The following NFIA variants were observed in gnomAD, a reference collection of about 807,000 sequenced individuals.
NFIA encodes nuclear factor I A, also known as nuclear factor 1 A-type.
A neutral mutation model predicts 62.8 loss-of-function variants in NFIA; 8 were observed. The ratio of observed to expected loss-of-function variants is 0.13; its 90% CI spans 0.07 to 0.23. The LOEUF (loss-of-function observed/expected upper bound fraction) is 0.23. Ranked by LOEUF, NFIA falls within the 10% of genes least tolerant of loss-of-function variation. The probability of loss-of-function intolerance (pLI) is 1.00; values close to 1 mark genes in which losing one functional copy is unlikely to be tolerated. For missense variants in NFIA, 410 were observed against 642.1 expected, an observed-to-expected ratio of 0.64 and a Z score of 3.91; for synonymous variants, 235 against 238.1, an observed-to-expected ratio of 0.99 and a Z score of 0.12.
chr1:61,333,496 G>T (rs899033759), intron 4 of NFIA, among the ~76,000 whole-genome samples: 1 of 152,192 alleles, frequency 6.6e-6, no homozygotes, highest in African/African-American at 2.4e-5. Flanking sequence ...CATAGGCTAG[G>T]AGAGTCTTGA....
At chr1:61,307,583 T>C (rs1386247448) in intron 3 of NFIA, among the ~76,000 whole-genome samples, 6 of 152,208 alleles carry the variant, frequency 3.9e-5, no homozygotes, top group African/African-American at 1.4e-4. Context: ...GAGTGATCCA[T>C]TGAATCAGCC....
intron 3 of NFIA, among the ~76,000 whole-genome samples, chr1:61,321,939 C>A (rs1660700402): frequency 6.6e-6 from 1 of 152,100 alleles, no homozygotes; most frequent in South Asian, 2.1e-4. Context: ...GCTACCCTTC[C>A]TTTATTAACT....
At chr1:61,091,720 G>A (rs909412178) in intron 2 of NFIA, among the ~76,000 whole-genome samples, 3 of 152,034 alleles carry the variant, frequency 2.0e-5, no homozygotes, top group Non-Finnish European at 2.9e-5. Context: ...CAATATACCC[G>A]GCACGTGGCA....
In NFIA at chr1:61,411,585, G is replaced by C. The variant is rs530857864; in HGVS notation, c.1420+4858G>C. ...TGCCAAGCACTCTTCTTGGTGCTAG[G>C]ATTCAGCAGGGAATCCCTGGCCTTA... On this transcript the variant is annotated intron_variant, in intron 9 of 10. Coordinates refer to ENST00000403491, the MANE Select transcript of NFIA (RefSeq NM_001134673.4). Among the ~76,000 whole-genome samples the C allele has an allele frequency of 3.9e-5, 6 of 152,092 alleles. No homozygotes were observed. The South Asian group carries it at 1.2e-3, about 32-fold the overall frequency.
chr1:61,220,943 A>G (rs1268671097), intron 2 of NFIA, among the ~76,000 whole-genome samples: 2 of 152,210 alleles, frequency 1.3e-5, no homozygotes, highest in African/African-American at 2.4e-5. Context: ...CCCTTTCCAT[A>G]CAGATACTTG....
At chr1:61,147,177 G>A (rs761511078) in intron 2 of NFIA, among the ~76,000 whole-genome samples, 3 of 151,168 alleles carry the variant, frequency 2.0e-5, no homozygotes, top group Non-Finnish European at 4.4e-5. Flanking sequence ...TTGAGATGGC[G>A]TCTTGCTCTG....
At chr1:61,334,595 A>G (rs1199130322) in intron 4 of NFIA, among the ~76,000 whole-genome samples, 2,133 of 83,064 alleles carry the variant, frequency 0.026, 199 homozygotes, top group African/African-American at 0.082. Context: ...ATATATATAT[A>G]TATATATATA....
At chr1:61,396,267 A>G (rs776058824) in intron 7 of NFIA, among the ~76,000 whole-genome samples, 1 of 152,138 alleles carries the variant, frequency 6.6e-6, no homozygotes, top group Non-Finnish European at 1.5e-5. Flanking sequence ...TTTTTTAGAT[A>G]TAGGGTCTTG....
chr1:61,427,063 G>A (rs781336900), intron 10 of NFIA, among the ~76,000 whole-genome samples: 74 of 152,128 alleles, frequency 4.9e-4, no homozygotes, highest in African/African-American at 8.2e-4. Flanking sequence ...GAAATAAGAC[G>A]TGTTTATTAG....
chr1:61,413,119 CCTT>C (rs1376038995), intron 9 of NFIA, among the ~76,000 whole-genome samples: 3 of 151,932 alleles, frequency 2.0e-5, no homozygotes, highest in African/African-American at 7.3e-5. Flanking sequence ...TTTCTCCATG[CCTT>C]CTTCACTATG....
At chr1:61,132,479 C>G (rs763097756) in intron 2 of NFIA, among the ~76,000 whole-genome samples, 1 of 152,246 alleles carries the variant, frequency 6.6e-6, no homozygotes, top group South Asian at 2.1e-4. Context: ...AAACATCAGT[C>G]CAAAACAACA....
chr1:61,339,395 A>G (rs1661782916), intron 4 of NFIA, among the ~76,000 whole-genome samples: 1 of 152,160 alleles, frequency 6.6e-6, no homozygotes, highest in Non-Finnish European at 1.5e-5. Context: ...ATTGGCCCCT[A>G]TATATTTTTA....
chr1:61,089,695 CTTT>C (rs918196815), intron 2 of NFIA, among the ~76,000 whole-genome samples: 2 of 107,744 alleles, frequency 1.9e-5, no homozygotes, highest in Non-Finnish European at 2.0e-5. Context: ...GTTTTTTTTT[CTTT>C]TTTTTTTTTT....
intron 2 of NFIA, among the ~76,000 whole-genome samples, chr1:61,198,169 A>G (rs1353354354): frequency 2.0e-5 from 3 of 152,240 alleles, no homozygotes; most frequent in Non-Finnish European, 4.4e-5. Context: ...TCAAAGGTCA[A>G]ACTGACCAAC....
chr1:61,403,240 A>G (rs532905919), intron 7 of NFIA, among the ~76,000 whole-genome samples: 9 of 152,210 alleles, frequency 5.9e-5, no homozygotes, highest in Non-Finnish European at 1.2e-4. Flanking sequence ...CTTCCCATGC[A>G]CTGCTCTTAT....
chr1:61,363,069 C>G (rs1294127195), intron 6 of NFIA, among the ~76,000 whole-genome samples: 4 of 152,032 alleles, frequency 2.6e-5, no homozygotes, highest in Non-Finnish European at 2.9e-5. Flanking sequence ...AAAAATTAAC[C>G]TCCTTTAAAA....
chr1:61,330,443 C>CCCCCCCACA (rs554691317), intron 3 of NFIA, among the ~76,000 whole-genome samples: 3 of 90,620 alleles, frequency 3.3e-5, no homozygotes, highest in Admixed American at 1.4e-4. Context: ...TACACCCCCC[C>CCCCCCCACA]CACACACACA....
chr1:61,219,231 C>T (rs1170843304), intron 2 of NFIA, among the ~76,000 whole-genome samples: 1 of 135,222 alleles, frequency 7.4e-6, no homozygotes, highest in Non-Finnish European at 1.6e-5. Flanking sequence ...AACTCAGTCT[C>T]AAAAAAAAAA....
intron 2 of NFIA, among the ~76,000 whole-genome samples, chr1:61,089,695 C>CT (rs918196815): frequency 0.027 from 2,855 of 107,734 alleles, 55 homozygotes; most frequent in East Asian, 0.07. Flanking sequence ...GTTTTTTTTT[C>CT]TTTTTTTTTT....
Sources: allele counts gnomAD v4.1 joint callset (sites outside exome capture counted in the v4.1 genomes callset), GRCh38; gene constraint gnomAD v4.1.1; transcripts MANE v1.5; gene names NCBI Gene and HGNC (gene_info 2026-07-23, HGNC 2026-07-21).